ANO4: variants seen among roughly 807,000 people sequenced by gnomAD.
ANO4 encodes the protein anoctamin-4.
In ANO4, 69 loss-of-function variants were observed where a neutral mutation model predicts 141.9. That is an observed-to-expected ratio of 0.49 (90% CI 0.40 to 0.59). The LOEUF is 0.59. Ranked by LOEUF, ANO4 falls within the 20% of genes least tolerant of loss-of-function variation. ANO4 has a pLI of 0.00. For synonymous variants in ANO4, 350 were observed against 394.3 expected, an observed-to-expected ratio of 0.89 and a Z score of 1.33; for missense variants, 894 against 1,162.2, an observed-to-expected ratio of 0.77 and a Z score of 3.36.
intron 5 of ANO4, among the ~76,000 whole-genome samples, chr12:100,963,698 G>A (rs1433714441): frequency 6.6e-6 from 1 of 152,052 alleles, no homozygotes; most frequent in Non-Finnish European, 1.5e-5. Flanking sequence ...CAAGTCATTT[G>A]CCCAGTGCTA....
At chr12:101,068,226 G>A in intron 14 of ANO4, 7 of 1,380,786 alleles carry the variant, frequency 5.1e-6, no homozygotes, top group East Asian at 2.6e-5. Flanking sequence ...GTAGAACGAG[G>A]CACCAGCTAG....
chr12:100,884,813 G>T (rs1407186106), intron 1 of ANO4, among the ~76,000 whole-genome samples: 2 of 152,176 alleles, frequency 1.3e-5, no homozygotes, highest in African/African-American at 4.8e-5. Context: ...TCCCGCCTCA[G>T]CCCCCCGAGT....
chr12:100,921,860 G>A (rs1310914917), intron 2 of ANO4, among the ~76,000 whole-genome samples: 1 of 152,078 alleles, frequency 6.6e-6, no homozygotes, highest in Admixed American at 6.6e-5. Context: ...TAAAGTGTTT[G>A]TGTTAATGTC....
chr12:101,098,052 G>C (rs571689211), intron 21 of ANO4, 107 bp downstream of exon 21: 1 of 953,890 alleles, frequency 1.0e-6, no homozygotes, highest in Non-Finnish European at 1.6e-6. Flanking sequence ...AAGCCAGTGC[G>C]TGCACCTGGA....
chr12:101,112,210 C>T lies in ANO4; in HGVS notation c.2450+500C>T, dbSNP rs138051501. ...ACCCAGTAGGTCCTCAATAAGTATT[C>T]GTGGAATAAGTAAGTGAATGACTTT... On this transcript the variant is annotated intron_variant, in intron 24 of 27. Transcript: ENST00000392977. 4.0e-3 allele frequency among the ~76,000 whole-genome samples: 614 copies of T among 152,150 alleles called. 5 individuals carry two copies. Among genetic ancestry groups the T allele is most frequent in the African/African-American group, 0.014 (580 of 41,508 alleles).
chr12:101,016,141 G>A (rs1419621728), intron 8 of ANO4, among the ~76,000 whole-genome samples: 1 of 152,126 alleles, frequency 6.6e-6, no homozygotes, highest in Non-Finnish European at 1.5e-5. Flanking sequence ...TAGGTTATTT[G>A]CATTGCTATA....
At chr12:101,071,255 T>G (rs910450898) in intron 14 of ANO4, among the ~76,000 whole-genome samples, 1 of 151,960 alleles carries the variant, frequency 6.6e-6, no homozygotes, top group African/African-American at 2.4e-5. Flanking sequence ...AGCCAAGATT[T>G]GGAGGCAACC....
rs1194122665 is a variant in ANO4 at position 101,080,900 on chromosome 12, T to TATATATATATATACAC, written c.1395+1626_1395+1627insTATATATATATACACA. Among the ~76,000 whole-genome samples, 61 of 131,012 alleles carry TATATATATATATACAC rather than the reference T, an allele frequency of 4.7e-4. No individual in the cohort carries two copies. The South Asian group carries it at 4.7e-3, about 10-fold the overall frequency. The allele number at this position is 131,012 out of a possible 152,430, so 85.9% of individuals were successfully genotyped here. On this transcript the variant is annotated intron_variant, in intron 15 of 27. Transcript: ENST00000392977. ...TATATATATTATATATATATATATA[T>TATATATATATATACAC]ACATACACATATACATATATATAAA...
chr12:101,067,071 C>A, intron 14 of ANO4: 1 of 430,004 alleles, frequency 2.3e-6, no homozygotes. Context: ...ATCAAATAAG[C>A]TAGTTCTTTC....
intron 1 of ANO4, among the ~76,000 whole-genome samples, chr12:100,850,438 G>A (rs1374938753): frequency 6.6e-6 from 1 of 152,096 alleles, no homozygotes; most frequent in Middle Eastern, 3.2e-3. Flanking sequence ...GCTGGAGCCA[G>A]GTTCACCATC....
chr12:100,982,807 GT>G (rs1304875637), intron 7 of ANO4, among the ~76,000 whole-genome samples: 3 of 152,164 alleles, frequency 2.0e-5, no homozygotes, highest in Non-Finnish European at 4.4e-5. Context: ...TATACTAAAG[GT>G]TATCATTAAT....
chr12:100,843,528 A>G (rs1593493076), intron 1 of ANO4, among the ~76,000 whole-genome samples: 1 of 152,202 alleles, frequency 6.6e-6, no homozygotes, highest in Non-Finnish European at 1.5e-5. Context: ...AAGATGTTCA[A>G]CAGAATAAAG....
chr12:101,097,521 C>T lies in ANO4; in HGVS notation c.1851-130C>T. ...TGGTTATGACAGATCTGGAGGGTTTCCTAATTCCCCCAGACCTACTACTTA... is the reference window on the plus strand; with the variant it reads ...TGGTTATGACAGATCTGGAGGGTTTTCTAATTCCCCCAGACCTACTACTTA... On this transcript the variant is annotated intron_variant, in intron 19 of 27. Coordinates refer to ENST00000392977, the MANE Select transcript of ANO4 (RefSeq NM_001286615.2). 3.5e-6 allele frequency: 3 copies of T among 850,654 alleles called. No homozygotes were observed. In the South Asian group the frequency reaches 4.6e-5, roughly 13 times the overall value. The allele number at this position is 850,654 out of a possible 1,614,324, so 52.7% of individuals were successfully genotyped here.
chr12:100,848,007 T>C (rs2037663630), intron 1 of ANO4, among the ~76,000 whole-genome samples: 1 of 152,214 alleles, frequency 6.6e-6, no homozygotes, highest in Non-Finnish European at 1.5e-5. Flanking sequence ...AAACTCCAAA[T>C]ATGTGGCTGA....
chr12:100,771,363 G>T (rs559509546), intron 3 of ANO4, among the ~76,000 whole-genome samples: 2 of 152,328 alleles, frequency 1.3e-5, no homozygotes, highest in African/African-American at 4.8e-5. Flanking sequence ...AGATAGCTGA[G>T]CTGTCAGGTG....
intron 2 of ANO4, among the ~76,000 whole-genome samples, chr12:100,917,509 T>G (rs2041402274): frequency 6.6e-6 from 1 of 152,202 alleles, no homozygotes; most frequent in Non-Finnish European, 1.5e-5. Context: ...TAGTACGAAG[T>G]AGGCATAGTA....
At chr12:101,072,789 C>T (rs2048868558) in intron 14 of ANO4, among the ~76,000 whole-genome samples, 2 of 152,068 alleles carry the variant, frequency 1.3e-5, no homozygotes, top group South Asian at 2.1e-4. Context: ...TGAATAGACA[C>T]TCTCAAAAGA....
chr12:100,830,245 AG>A (rs1186808989), intron 1 of ANO4, among the ~76,000 whole-genome samples: 1 of 152,028 alleles, frequency 6.6e-6, no homozygotes, highest in African/African-American at 2.4e-5. Flanking sequence ...TTGCTGTTAA[AG>A]GGAGAATATT....
chr12:101,012,137 ACACC>A (rs1255562926), intron 8 of ANO4, among the ~76,000 whole-genome samples: 2 of 152,104 alleles, frequency 1.3e-5, no homozygotes, highest in Non-Finnish European at 2.9e-5. Context: ...AGTTTCTGGA[ACACC>A]CAGTGGTTCT....
Sources: allele counts gnomAD v4.1 joint callset (sites outside exome capture counted in the v4.1 genomes callset), GRCh38; gene constraint gnomAD v4.1.1; transcripts MANE v1.5; gene names NCBI Gene and HGNC (gene_info 2026-07-23, HGNC 2026-07-21).